The following GLI3 variants were observed in gnomAD, a reference collection of about 807,000 sequenced individuals.
GLI3 encodes transcription activator GLI3.
In GLI3, 20 loss-of-function variants were observed where a neutral mutation model predicts 100.8. The observed-to-expected ratio is 0.20, with a 90% CI of 0.14 to 0.29. The LOEUF (loss-of-function observed/expected upper bound fraction) is 0.29, where lower values mean the gene tolerates loss of function less well. Ranked by LOEUF, GLI3 falls within the 10% of genes least tolerant of loss-of-function variation. The probability of loss-of-function intolerance (pLI) is 1.00; values close to 1 mark genes in which losing one functional copy is unlikely to be tolerated. For missense variants in GLI3, 2,040 were observed against 2,128.5 expected, an observed-to-expected ratio of 0.96 and a Z score of 0.82; for synonymous variants, 938 against 860.5, an observed-to-expected ratio of 1.09 and a Z score of -1.58.
At chr7:42,155,726 A>G (rs896658552) in intron 2 of GLI3, among the ~76,000 whole-genome samples, 1 of 152,180 alleles carries the variant, frequency 6.6e-6, no homozygotes, top group African/African-American at 2.4e-5. Context: ...AGAGAGCAAG[A>G]TGAGAATTCA....
intron 1 of GLI3, among the ~76,000 whole-genome samples, chr7:42,226,217 A>G (rs900468711): frequency 2.6e-5 from 4 of 152,224 alleles, no homozygotes; most frequent in African/African-American, 9.6e-5. Context: ...AGAGTCTACA[A>G]CGTTAAAACT....
chr7:42,178,887 G>A (rs1394084181), intron 2 of GLI3, among the ~76,000 whole-genome samples: 1 of 152,170 alleles, frequency 6.6e-6, no homozygotes, highest in Non-Finnish European at 1.5e-5. Context: ...TTTGAGCACA[G>A]ACTTGACAGA....
chr7:42,191,346 T>A (rs1322822309), intron 2 of GLI3, among the ~76,000 whole-genome samples: 1 of 152,174 alleles, frequency 6.6e-6, no homozygotes, highest in Non-Finnish European at 1.5e-5. Context: ...GTGGTGGCTC[T>A]CGCCTATAAT....
upstream of GLI3, among the ~76,000 whole-genome samples, chr7:42,238,633 G>T (rs369192089): frequency 6.6e-6 from 1 of 152,192 alleles, no homozygotes; most frequent in Non-Finnish European, 1.5e-5. Context: ...CTCTGTCCCT[G>T]CTTCATTTTC....
intron 2 of GLI3, among the ~76,000 whole-genome samples, chr7:42,154,869 G>A (rs534523064): frequency 2.0e-5 from 3 of 152,234 alleles, no homozygotes; most frequent in South Asian, 4.1e-4. Flanking sequence ...CAATACCCTC[G>A]GGGTCAGACT....
In GLI3 at chr7:42,060,096, T is replaced by C. The variant is rs1006791414; in HGVS notation, c.474-11400A>G. Among the ~76,000 whole-genome samples the C allele has an allele frequency of 3.3e-5, 5 of 152,254 alleles. No individual in the cohort carries two copies. The South Asian group carries it at 6.2e-4, about 19-fold the overall frequency. Reference sequence around the variant, plus strand: ...AGCCCAGACAGAGAAGCGGCAGCACTGTACCATTTCCTTTTTAACAGGGAA... The same window carrying C: ...AGCCCAGACAGAGAAGCGGCAGCACCGTACCATTTCCTTTTTAACAGGGAA... On this transcript the variant is annotated intron_variant, in intron 4 of 14. Coordinates refer to ENST00000395925, the MANE Select transcript of GLI3 (RefSeq NM_000168.6).
intron 2 of GLI3, among the ~76,000 whole-genome samples, chr7:42,169,807 T>A (rs1204875061): frequency 6.6e-6 from 1 of 152,130 alleles, no homozygotes; most frequent in African/African-American, 2.4e-5. Flanking sequence ...GCCAAAATGT[T>A]AGCAGTGATG....
chr7:42,012,259 C>T (rs780284136), intron 10 of GLI3, among the ~76,000 whole-genome samples: 13 of 152,094 alleles, frequency 8.5e-5, no homozygotes, highest in African/African-American at 2.9e-4. Context: ...TACAGAGAAT[C>T]GACAAGCAGG....
chr7:42,223,018 A>T, intron 2 of GLI3, 112 bp downstream of exon 2: 4 of 1,245,430 alleles, frequency 3.2e-6, no homozygotes, highest in Non-Finnish European at 4.6e-6. Context: ...TGCTTTCTTT[A>T]GCGTCTCCTA....
At chr7:42,193,275 A>G (rs139119847) in intron 2 of GLI3, among the ~76,000 whole-genome samples, 1 of 152,174 alleles carries the variant, frequency 6.6e-6, no homozygotes, top group African/African-American at 2.4e-5. Flanking sequence ...TTTTTCCATT[A>G]AGGAGCTGTT....
rs149329936 is a variant in GLI3, at chr7:42,254,167, C to T, written c.-43+9827G>A. Among the ~76,000 whole-genome samples the T allele has an allele frequency of 4.4e-3, 617 of 141,166 alleles. 8 individuals carry two copies. Among genetic ancestry groups the T allele is most frequent in the South Asian group, 0.019 (84 of 4,448 alleles). The allele number at this position is 141,166 out of a possible 152,430, so 92.6% of individuals were successfully genotyped here. A position where few individuals can be genotyped will look rare whatever the true frequency, so the allele number is the denominator to read the frequency against. On this transcript the variant is annotated intron_variant, in intron 1 of 2. Transcript: ENST00000678978. ...CTGGGAGGTGGAGGTTGCAGTGAGC[C>T]GAGATTGTGCCACTGCACTCCAGCC...
intron 4 of GLI3, among the ~76,000 whole-genome samples, chr7:42,059,954 A>T (rs1410456002): frequency 6.6e-6 from 1 of 152,186 alleles, no homozygotes; most frequent in Non-Finnish European, 1.5e-5. Flanking sequence ...TGCTCCCTAT[A>T]CCTGGAAGTG....
chr7:42,238,195 T>C (rs977969475), upstream of GLI3, among the ~76,000 whole-genome samples: 5 of 151,626 alleles, frequency 3.3e-5, no homozygotes, highest in African/African-American at 1.2e-4. Context: ...CCCTCTCTCT[T>C]CTCTCTCCAC....
At chr7:42,074,726 A>T (rs996173144) in intron 4 of GLI3, among the ~76,000 whole-genome samples, 1 of 152,158 alleles carries the variant, frequency 6.6e-6, no homozygotes, top group African/African-American at 2.4e-5. Flanking sequence ...GGAGGCCACA[A>T]ACCCATAAGC....
intron 3 of GLI3, among the ~76,000 whole-genome samples, chr7:42,078,474 G>A (rs985745822): frequency 3.3e-5 from 5 of 152,110 alleles, no homozygotes; most frequent in Admixed American, 2.0e-4. Context: ...GGAAGGACCC[G>A]AGGCTGTAAT....
chr7:42,250,439 C>T (rs975540373), intron 1 of GLI3, among the ~76,000 whole-genome samples: 6 of 152,280 alleles, frequency 3.9e-5, no homozygotes, highest in African/African-American at 7.2e-5. Flanking sequence ...CTTCAGTTTG[C>T]TGACTGAGTC....
chr7:42,207,780 C>T (rs1788185077), intron 2 of GLI3, among the ~76,000 whole-genome samples: 1 of 152,178 alleles, frequency 6.6e-6, no homozygotes, highest in African/African-American at 2.4e-5. Context: ...CTTTTATTTT[C>T]CAAGTGGTGA....
chr7:42,115,904 G>A (rs1272073727), intron 3 of GLI3, among the ~76,000 whole-genome samples: 10 of 151,938 alleles, frequency 6.6e-5, no homozygotes, highest in Admixed American at 2.0e-4. Flanking sequence ...TACTACCCAC[G>A]GCTATATTAA....
At chr7:41,989,987 CAA>C (rs60763223) in intron 10 of GLI3, among the ~76,000 whole-genome samples, 207 of 62,836 alleles carry the variant, frequency 3.3e-3, no homozygotes, top group Non-Finnish European at 6.2e-3. Flanking sequence ...ACTCTGTCTC[CAA>C]AAAAAAAAAA....
Sources: allele counts gnomAD v4.1 joint callset (sites outside exome capture counted in the v4.1 genomes callset), GRCh38; gene constraint gnomAD v4.1.1; transcripts MANE v1.5; gene names NCBI Gene and HGNC (gene_info 2026-07-23, HGNC 2026-07-21).